Variants in MROH1 observed in about 807,000 individuals in gnomAD.
The protein encoded by MROH1 is maestro heat like repeat family member 1.
MROH1 carries 117 observed loss-of-function variants against 116.5 expected under a neutral mutation model. The ratio of observed to expected loss-of-function variants is 1.00; its 90% CI spans 0.86 to 1.17. MROH1 has a LOEUF of 1.17. Among genes scored for constraint, MROH1 ranks in the 50% most tolerant of loss-of-function variants. MROH1 has a pLI of 0.00. For synonymous variants in MROH1, 921 were observed against 583.9 expected (o/e 1.58, Z -8.32); for missense variants, 1,873 against 1,338.5 (o/e 1.40, Z -6.23).
intron 10 of MROH1, among the ~76,000 whole-genome samples, chr8:144,196,630 T>G (rs1283301437): frequency 1.3e-5 from 2 of 151,456 alleles, no homozygotes; most frequent in Non-Finnish European, 2.9e-5. Flanking sequence ...GTGCTGGGAT[T>G]ACAGGCATGA....
At chr8:144,258,750 C>T (rs917171129) in intron 35 of MROH1, 27 bp from the exon 36 acceptor site, 2 of 756,792 alleles carry the variant, frequency 2.6e-6, no homozygotes, top group East Asian at 5.0e-5. Context: ...TGTGCCCTAC[C>T]AGCTGAGCAC....
Position 144,192,380 on chromosome 8 carries a change from C to T in MROH1, c.927C>T (p.Leu309=), listed in dbSNP as rs747699287. Residue 309 remains leucine, a synonymous_variant, in exon 10 of 44, where the codon CTC becomes CTT. Transcript: ENST00000326134. ...CACTGGAGACCCAGCTGGATGCCCT[C>T]TTGGCTGCACTGCACTCCCAGGTAG... ...SRTLETQLDA[L]LAALHSQICV... 1.3e-6 allele frequency: 2 copies of T among 1,593,480 alleles called. No homozygotes were observed. Among genetic ancestry groups the T allele is most frequent in the South Asian group, 2.3e-5 (2 of 88,026 alleles).
intron 21 of MROH1, 36 bp downstream of exon 21, chr8:144,241,147 C>A: frequency 2.7e-6 from 2 of 727,714 alleles, no homozygotes; most frequent in South Asian, 1.5e-5. Context: ...CCCAGACACC[C>A]CAGGGCTGGA....
Position 144,199,180 on chromosome 8 carries a change from T to TGC in MROH1, c.1010_1011dup (p.Cys338AlafsTer59), listed in dbSNP as rs2131777015. 6.2e-7 allele frequency: 1 copy of TGC among 1,613,562 alleles called. No individual in the cohort carries two copies. The highest frequency in any genetic ancestry group is 2.2e-5 in the East Asian group (1 of 44,878). ...GTGATGAGTAACCAGAAGGAGGTGC[T>TGC]GCGCTGCTTCACTGTGCTGGGTGAG... On this transcript the variant is annotated frameshift_variant, in exon 11 of 44. Transcript: ENST00000326134. LOFTEE classifies it high-confidence loss of function.
chr8:144,244,559 C>T lies in MROH1; in HGVS notation c.2766+20C>T, dbSNP rs1367051621. The stretch of plus-strand genomic sequence containing the variant: ...ATTGAGGTGTGCAGGGGGGAACTGT[C>T]ATGGGGATGGGGATGGGGGCACAGA... On this transcript the variant is annotated intron_variant, in intron 28 of 43. Coordinates refer to ENST00000326134, the MANE Select transcript of MROH1 (RefSeq NM_032450.3). The T allele has an allele frequency of 1.4e-6, 1 of 732,722 alleles. No homozygotes were observed. The highest frequency in any genetic ancestry group is 1.9e-5 in the Admixed American group (1 of 52,732). The allele number at this position is 732,722 out of a possible 1,614,324, so 45.4% of individuals were successfully genotyped here. A position where few individuals can be genotyped will look rare whatever the true frequency, so the allele number is the denominator to read the frequency against.
intron 12 of MROH1, chr8:144,213,146 G>T: frequency 1.3e-6 from 1 of 757,818 alleles, no homozygotes. Flanking sequence ...TACATCCCGT[G>T]CTCTCCCTTC....
intron 7 of MROH1, among the ~76,000 whole-genome samples, chr8:144,184,060 A>C (rs1208724395): frequency 2.0e-5 from 3 of 152,168 alleles, no homozygotes; most frequent in Non-Finnish European, 4.4e-5. Context: ...CCTGGGAGGT[A>C]GTCTGTTTTC....
rs1188789131 is a variant in MROH1 at position 144,153,772 on chromosome 8, A to T, written c.-177+5696A>T. On this transcript the variant is annotated intron_variant, in intron 1 of 43. Transcript: ENST00000326134. ...CAGTTCTGTTTTTATTTTATTTTTT[A>T]TTTTTTGAGACAGAGTTTTGCTCCA... is the stretch of plus-strand genomic sequence containing the variant. 3.3e-5 allele frequency among the ~76,000 whole-genome samples: 5 copies of T among 151,704 alleles called. No individual in the cohort carries two copies. In the East Asian group the frequency reaches 9.8e-4, roughly 30 times the overall value.
At chr8:144,219,085 C>T (rs1227570459) in intron 12 of MROH1, among the ~76,000 whole-genome samples, 1 of 150,176 alleles carries the variant, frequency 6.7e-6, no homozygotes, top group Non-Finnish European at 1.5e-5. Context: ...TGCAGTGGTG[C>T]GATCTCAGCT....
chr8:144,188,313 C>G (rs372831507), intron 7 of MROH1, among the ~76,000 whole-genome samples: 7 of 152,274 alleles, frequency 4.6e-5, no homozygotes, highest in African/African-American at 1.7e-4. Context: ...TCACCCATGG[C>G]CCTGGGAGCA....
intron 7 of MROH1, among the ~76,000 whole-genome samples, chr8:144,187,124 A>G (rs1247971403): frequency 7.1e-6 from 1 of 141,030 alleles, no homozygotes; most frequent in African/African-American, 2.7e-5. Flanking sequence ...ACAAAACAAA[A>G]CTCAGGCCGG....
Position 144,221,986 on chromosome 8 carries a change from G to A in MROH1, c.1216-1122G>A, listed in dbSNP as rs372995985. On this transcript the variant is annotated intron_variant, in intron 13 of 43. Transcript: ENST00000326134. ...GCCACATTGGCCTGGCTGTGCCTCC[G>A]AGTCACCAGGCATGGTTACTGGGCG... Among the ~76,000 whole-genome samples the A allele has an allele frequency of 1.3e-3, 168 of 128,548 alleles. 3 individuals are homozygous for A. In the South Asian group the frequency reaches 0.042, roughly 32 times the overall value. The allele number at this position is 128,548 out of a possible 152,430, so 84.3% of individuals were successfully genotyped here.
At chr8:144,199,488 G>A (rs993903652) in intron 11 of MROH1, among the ~76,000 whole-genome samples, 11 of 151,962 alleles carry the variant, frequency 7.2e-5, no homozygotes, top group Non-Finnish European at 1.6e-4. Context: ...CCTGCCCCCC[G>A]CCTACCTGTT....
At chr8:144,232,589 G>T (rs1298577153) in intron 14 of MROH1, among the ~76,000 whole-genome samples, 1 of 151,788 alleles carries the variant, frequency 6.6e-6, no homozygotes, top group Non-Finnish European at 1.5e-5. Context: ...CGCCTCCCGG[G>T]TTCATGCCAT....
intron 15 of MROH1, 30 bp downstream of exon 15, chr8:144,238,893 C>T (rs1471241485): frequency 1.4e-5 from 11 of 770,364 alleles, no homozygotes; most frequent in South Asian, 2.7e-5. Flanking sequence ...CCCTGCCTGG[C>T]GACAACAGAG....
chr8:144,220,192 T>G (rs1212757339), intron 12 of MROH1, among the ~76,000 whole-genome samples: 1 of 152,158 alleles, frequency 6.6e-6, no homozygotes, highest in Admixed American at 6.6e-5. Flanking sequence ...GTGTGAGAAA[T>G]GCACACCTGA....
chr8:144,179,239 C>T (rs935194480), intron 4 of MROH1, among the ~76,000 whole-genome samples: 4 of 152,032 alleles, frequency 2.6e-5, no homozygotes, highest in African/African-American at 4.8e-5. Context: ...GGTTGTCTGG[C>T]GCAGGATAAC....
At chr8:144,188,488 G>A (rs1355175252) in intron 7 of MROH1, among the ~76,000 whole-genome samples, 1 of 37,274 alleles carries the variant, frequency 2.7e-5, no homozygotes, top group Non-Finnish European at 4.2e-5. Flanking sequence ...TTTTTTTTTT[G>A]AGACAATCTC....
chr8:144,154,814 G>A (rs1817654267), intron 1 of MROH1, among the ~76,000 whole-genome samples: 2 of 151,890 alleles, frequency 1.3e-5, no homozygotes, highest in South Asian at 4.2e-4. Context: ...ACAGGCATGC[G>A]CTACCACGCC....
Sources: allele counts gnomAD v4.1 joint callset (sites outside exome capture counted in the v4.1 genomes callset), GRCh38; gene constraint gnomAD v4.1.1; transcripts MANE v1.5; gene names NCBI Gene and HGNC (gene_info 2026-07-23, HGNC 2026-07-21).